The following TTC28 variants were observed in gnomAD, a reference collection of about 807,000 sequenced individuals.
TTC28 encodes the protein tetratricopeptide repeat protein 28.
In TTC28, 61 loss-of-function variants were observed where a neutral mutation model predicts 198.0. The ratio of observed to expected loss-of-function variants is 0.31; its 90% CI spans 0.25 to 0.38. The LOEUF is 0.38. Ranked by LOEUF, TTC28 falls within the 10% of genes least tolerant of loss-of-function variation. The pLI is 1.00. For synonymous variants in TTC28, 1,171 were observed against 1,297.8 expected, an observed-to-expected ratio of 0.90 and a Z score of 2.10; for missense variants, 2,678 against 3,164.0, an observed-to-expected ratio of 0.85 and a Z score of 3.69.
intron 5 of TTC28, among the ~76,000 whole-genome samples, chr22:28,190,631 C>T (rs771293953): frequency 2.0e-5 from 3 of 152,150 alleles, no homozygotes; most frequent in South Asian, 4.1e-4. Flanking sequence ...TCCTTGGAAA[C>T]AACAACAATA....
intron 2 of TTC28, among the ~76,000 whole-genome samples, chr22:28,498,724 A>T (rs1322819986): frequency 6.6e-6 from 1 of 152,214 alleles, no homozygotes; most frequent in Non-Finnish European, 1.5e-5. Flanking sequence ...GAGCCCCCAG[A>T]AAAGTCCCTA....
intron 2 of TTC28, among the ~76,000 whole-genome samples, chr22:28,383,655 AG>A (rs1361087278): frequency 2.6e-5 from 4 of 152,208 alleles, no homozygotes; most frequent in Non-Finnish European, 5.9e-5. Flanking sequence ...TCAATACTTT[AG>A]AAAATTCAGT....
intron 5 of TTC28, among the ~76,000 whole-genome samples, chr22:28,193,874 T>C (rs112058129): frequency 1.3e-5 from 2 of 152,164 alleles, no homozygotes; most frequent in African/African-American, 4.8e-5. Context: ...ATTAGACACA[T>C]CAACGAGACA....
At chr22:28,392,991 C>T (rs1382179514) in intron 2 of TTC28, among the ~76,000 whole-genome samples, 1 of 151,348 alleles carries the variant, frequency 6.6e-6, no homozygotes, top group South Asian at 2.1e-4. Flanking sequence ...ATCTTCCCAC[C>T]TCAGCCTTCT....
At chr22:28,110,243 A>G (rs1411977516) in intron 6 of TTC28, among the ~76,000 whole-genome samples, 1 of 152,160 alleles carries the variant, frequency 6.6e-6, no homozygotes, top group Non-Finnish European at 1.5e-5. Context: ...CTGCCACAAG[A>G]GTCACATCTA....
rs754700795 is a variant in TTC28 at position 28,243,174 on chromosome 22, C to CAAAAAAAAAAAAA, written c.933+53011_933+53023dup. Among the ~76,000 whole-genome samples the CAAAAAAAAAAAAA allele has an allele frequency of 1.5e-3, 102 of 68,332 alleles. 17 individuals are homozygous for CAAAAAAAAAAAAA. Among genetic ancestry groups the CAAAAAAAAAAAAA allele is most frequent in the East Asian group, 2.5e-3 (4 of 1,612 alleles). The allele number at this position is 68,332 out of a possible 152,430, so 44.8% of individuals were successfully genotyped here. ...GCAACCTGGCAAAACCCCCTCTCTA[C>CAAAAAAAAAAAAA]AAAAAAAAAAAAAAAAAAAAAAAAA... is the stretch of plus-strand genomic sequence containing the variant. On this transcript the variant is annotated intron_variant, in intron 5 of 22. Transcript: ENST00000397906.
At chr22:28,101,130 C>T (rs1942136697) in intron 9 of TTC28, 41 bp downstream of exon 9, 6 of 1,461,804 alleles carry the variant, frequency 4.1e-6, no homozygotes, top group Non-Finnish European at 5.6e-6. Context: ...TCCCATGCTT[C>T]TGGAAACAAA....
intron 1 of TTC28, among the ~76,000 whole-genome samples, chr22:28,657,744 T>C (rs2051681117): frequency 6.6e-6 from 1 of 152,140 alleles, no homozygotes; most frequent in Non-Finnish European, 1.5e-5. Flanking sequence ...CTAGGTGAGA[T>C]GGCGCACACC....
chr22:28,553,141 C>T (rs545965663), intron 2 of TTC28, among the ~76,000 whole-genome samples: 1 of 152,326 alleles, frequency 6.6e-6, no homozygotes, highest in African/African-American at 2.4e-5. Context: ...TCGCTGCAAC[C>T]TCTACCTCCC....
chr22:28,670,473 G>A (rs1452788029), intron 1 of TTC28, among the ~76,000 whole-genome samples: 1 of 151,950 alleles, frequency 6.6e-6, no homozygotes, highest in East Asian at 1.9e-4. Context: ...CGCTTAGAAT[G>A]TTTTCAAGGT....
At chr22:28,467,663 C>T (rs945856660) in intron 2 of TTC28, among the ~76,000 whole-genome samples, 3 of 152,212 alleles carry the variant, frequency 2.0e-5, no homozygotes, top group Non-Finnish European at 4.4e-5. Context: ...AGGAATTGTA[C>T]ATGACAAGCA....
At chr22:28,078,329 C>T (rs1201906655) in intron 12 of TTC28, among the ~76,000 whole-genome samples, 3 of 152,152 alleles carry the variant, frequency 2.0e-5, no homozygotes, top group African/African-American at 7.2e-5. Context: ...ATTTTACAAA[C>T]ACTAGCCCAG....
chr22:28,078,841 T>C (rs772668648), intron 12 of TTC28, among the ~76,000 whole-genome samples: 11 of 151,872 alleles, frequency 7.2e-5, no homozygotes, highest in Non-Finnish European at 1.2e-4. Context: ...TCAGAGAAGA[T>C]AGGAATTTGA....
chr22:28,553,070 G>A (rs982512958), intron 2 of TTC28, among the ~76,000 whole-genome samples: 1 of 152,212 alleles, frequency 6.6e-6, no homozygotes, highest in Non-Finnish European at 1.5e-5. Context: ...ATTGCAGACG[G>A]AGTCTCGTTC....
chr22:28,595,381 C>G (rs2050522244), intron 2 of TTC28, among the ~76,000 whole-genome samples: 1 of 152,202 alleles, frequency 6.6e-6, no homozygotes. Flanking sequence ...AGCACTAATA[C>G]ATTAACTCAT....
Position 27,985,236 on chromosome 22 carries a change from G to C in TTC28, c.5815+13C>G. 6.5e-7 allele frequency: 1 copy of C among 1,544,240 alleles called. No homozygotes were observed. Among genetic ancestry groups the C allele is most frequent in the South Asian group, 1.2e-5 (1 of 83,722 alleles). On this transcript the variant is annotated intron_variant, in intron 22 of 22. Transcript: ENST00000397906. Reference sequence around the variant, plus strand: ...GGCCCTGGTGGAGAACTGGTCTGAGGGCAGGCTCTTACCAAACAGAGACAG... The same window carrying C: ...GGCCCTGGTGGAGAACTGGTCTGAGCGCAGGCTCTTACCAAACAGAGACAG...
chr22:28,306,474 C>T (rs144476099), intron 3 of TTC28, 22 bp downstream of exon 3: 27 of 1,543,566 alleles, frequency 1.7e-5, no homozygotes, highest in Non-Finnish European at 2.4e-5. Flanking sequence ...AATGTTATAC[C>T]AAGTACTTTT....
In TTC28 at chr22:28,395,594, G is replaced by A. The variant is rs536087287; in HGVS notation, c.382-88951C>T. On this transcript the variant is annotated intron_variant, in intron 2 of 22. Coordinates refer to ENST00000397906, the MANE Select transcript of TTC28 (RefSeq NM_001145418.2). ...TTGCAGTGAGCACTCCAGCCTGGGC[G>A]ACAGAGCAAGAGTCCGTCTCAAAAA... Among the ~76,000 whole-genome samples the A allele has an allele frequency of 4.8e-3, 649 of 135,998 alleles. 3 individuals carry two copies. The highest frequency in any genetic ancestry group is 0.017 in the African/African-American group (589 of 34,316). 89.2% of individuals were successfully genotyped at this position (135,998 alleles called of 152,430 possible).
intron 3 of TTC28, among the ~76,000 whole-genome samples, chr22:28,304,529 G>C (rs2045097387): frequency 6.6e-6 from 1 of 152,136 alleles, no homozygotes; most frequent in Non-Finnish European, 1.5e-5. Context: ...AAGCACTCCA[G>C]GAACCAGTAA....
Sources: allele counts gnomAD v4.1 joint callset (sites outside exome capture counted in the v4.1 genomes callset), GRCh38; gene constraint gnomAD v4.1.1; transcripts MANE v1.5; gene names NCBI Gene and HGNC (gene_info 2026-07-23, HGNC 2026-07-21).